Variants in TENM3 observed in about 807,000 individuals in gnomAD.
The protein encoded by TENM3 is teneurin-3.
In TENM3, 63 loss-of-function variants were observed where a neutral mutation model predicts 255.1. The observed-to-expected ratio is 0.25, with a 90% confidence interval of 0.20 to 0.30. TENM3 has a LOEUF of 0.30. Ranked by LOEUF, TENM3 falls within the 10% of genes least tolerant of loss-of-function variation. TENM3 has a pLI of 1.00. For synonymous variants in TENM3, 1,306 were observed against 1,322.3 expected, an observed-to-expected ratio of 0.99 and a Z score of 0.27; for missense variants, 2,929 against 3,461.1, an observed-to-expected ratio of 0.85 and a Z score of 3.86.
intron 13 of TENM3, among the ~76,000 whole-genome samples, chr4:182,717,243 C>T (rs1455820136): frequency 6.6e-6 from 1 of 152,170 alleles, no homozygotes; most frequent in Non-Finnish European, 1.5e-5. Context: ...ATAGGTGTTC[C>T]TCCTTGCCTT....
the TENM3 span, among the ~76,000 whole-genome samples, chr4:181,652,318 G>A: frequency 0.012 from 1,786 of 152,192 alleles, 18 homozygotes; most frequent in Non-Finnish European, 0.02. Flanking sequence ...GGCACAATAA[G>A]ATATACAGGC....
the TENM3 span, among the ~76,000 whole-genome samples, chr4:181,673,063 A>C: frequency 6.6e-6 from 1 of 152,192 alleles, no homozygotes; most frequent in Non-Finnish European, 1.5e-5. Context: ...TAAAAGTAAA[A>C]AAGCTAGAAC....
intron 3 of TENM3, among the ~76,000 whole-genome samples, chr4:182,437,494 CA>C (rs5864783): frequency 0.99 from 150,515 of 151,994 alleles, 74,541 homozygotes; most frequent in East Asian, 1. Context: ...ACAAAAAATA[CA>C]AAAAAAATAG....
chr4:181,628,765 C>T, the TENM3 span, among the ~76,000 whole-genome samples: 893 of 152,200 alleles, frequency 5.9e-3, 2 homozygotes, highest in Non-Finnish European at 9.5e-3. Context: ...AGTCAGGTAG[C>T]GTGATGCCTC....
At chr4:182,727,455 C>A (rs201769683) in intron 13 of TENM3, among the ~76,000 whole-genome samples, 4,095 of 118,024 alleles carry the variant, frequency 0.035, no homozygotes, top group Non-Finnish European at 0.038. Flanking sequence ...GACTCAGTCT[C>A]AAAAAAAAAG....
chr4:182,029,550 C>T, the TENM3 span, among the ~76,000 whole-genome samples: 3 of 152,048 alleles, frequency 2.0e-5, no homozygotes, highest in Admixed American at 6.6e-5. Flanking sequence ...TTGTTATATC[C>T]TCTTGCTGAA....
the TENM3 span, among the ~76,000 whole-genome samples, chr4:181,590,407 G>C: frequency 2.6e-5 from 4 of 152,148 alleles, no homozygotes; most frequent in African/African-American, 7.2e-5. Flanking sequence ...TACCTACCCA[G>C]TCACAGATGG....
At chr4:182,566,275 G>C (rs148881589) in intron 3 of TENM3, among the ~76,000 whole-genome samples, 176 of 152,258 alleles carry the variant, frequency 1.2e-3, no homozygotes, top group African/African-American at 4.1e-3. Context: ...ATTTCCTCTT[G>C]TTTGTGACGC....
the TENM3 span, among the ~76,000 whole-genome samples, chr4:181,544,731 AGATAATT>A: frequency 6.6e-6 from 1 of 152,244 alleles, no homozygotes; most frequent in Non-Finnish European, 1.5e-5. Context: ...CCATTCAGAC[AGATAATT>A]GAGAATTGAC....
chr4:181,605,570 G>GAAAAGAA, the TENM3 span, among the ~76,000 whole-genome samples: 1 of 24,788 alleles, frequency 4.0e-5, no homozygotes, highest in African/African-American at 9.8e-5. Context: ...AAGAAAGAAA[G>GAAAAGAA]AGAGAGAAAG....
intron 19 of TENM3, among the ~76,000 whole-genome samples, chr4:182,743,873 A>G (rs1247457377): frequency 2.0e-5 from 3 of 152,190 alleles, no homozygotes; most frequent in Non-Finnish European, 4.4e-5. Context: ...GGGTTAATCC[A>G]TTAGCCATAA....
the TENM3 span, among the ~76,000 whole-genome samples, chr4:182,102,070 GAAC>G: frequency 6.6e-6 from 1 of 152,196 alleles, no homozygotes; most frequent in Non-Finnish European, 1.5e-5. Flanking sequence ...AGGCACTCAG[GAAC>G]AATAGCTGAC....
intron 3 of TENM3, among the ~76,000 whole-genome samples, chr4:182,390,547 G>T (rs912717046): frequency 6.6e-6 from 1 of 152,118 alleles, no homozygotes; most frequent in East Asian, 1.9e-4. Flanking sequence ...TGATCTACAA[G>T]ATCGTTAGCC....
chr4:181,571,978 T>C, the TENM3 span, among the ~76,000 whole-genome samples: 29 of 152,192 alleles, frequency 1.9e-4, no homozygotes, highest in South Asian at 8.3e-4. Flanking sequence ...ATCTTTATAG[T>C]GTATATTGGC....
intron 1 of TENM3, among the ~76,000 whole-genome samples, chr4:182,288,378 T>C (rs1435710593): frequency 2.0e-5 from 3 of 152,212 alleles, no homozygotes; most frequent in South Asian, 4.1e-4. Context: ...CTTTTCTTTT[T>C]TATTTTCCTT....
the TENM3 span, among the ~76,000 whole-genome samples, chr4:181,601,505 A>G: frequency 6.6e-6 from 1 of 152,120 alleles, no homozygotes; most frequent in African/African-American, 2.4e-5. Context: ...CTGCATGCAC[A>G]CATCCCTGGT....
intron 3 of TENM3, among the ~76,000 whole-genome samples, chr4:182,522,972 T>A (rs1206554675): frequency 6.6e-6 from 1 of 152,166 alleles, no homozygotes; most frequent in Non-Finnish European, 1.5e-5. Flanking sequence ...TGTTTTTTTG[T>A]CTTTTTGGTA....
the TENM3 span, among the ~76,000 whole-genome samples, chr4:181,968,607 T>C: frequency 3.9e-5 from 6 of 152,234 alleles, no homozygotes; most frequent in African/African-American, 1.4e-4. Context: ...ATACAGAAAA[T>C]GTTTTAAATG....
the TENM3 span, among the ~76,000 whole-genome samples, chr4:181,526,566 T>A: frequency 6.6e-6 from 1 of 152,174 alleles, no homozygotes; most frequent in Non-Finnish European, 1.5e-5. Context: ...CCATCTGGGG[T>A]GCCATAGTAG....
Sources: gnomAD v4.1 joint callset for allele counts (sites outside exome capture counted in the v4.1 genomes callset) on GRCh38, gnomAD v4.1.1 for gene constraint, MANE v1.5 for transcripts, NCBI Gene and HGNC (gene_info 2026-07-23, HGNC 2026-07-21) for gene names.